The following NRXN3 variants were observed in gnomAD, a reference collection of about 807,000 sequenced individuals.
NRXN3 encodes the protein neurexin 3.
Under a neutral mutation model 137.6 loss-of-function variants are expected in NRXN3, and 32 were observed. The observed-to-expected ratio is 0.23, with a 90% confidence interval of 0.18 to 0.31. NRXN3 has a LOEUF of 0.31. Among genes scored for constraint, NRXN3 ranks in the 10% least tolerant of loss-of-function variants. The pLI, the probability that NRXN3 is intolerant of heterozygous loss-of-function variation, is 1.00. For missense variants in NRXN3, 1,574 were observed against 2,062.5 expected, an observed-to-expected ratio of 0.76 and a Z score of 4.59; for synonymous variants, 798 against 784.5, an observed-to-expected ratio of 1.02 and a Z score of -0.29.
intron 15 of NRXN3, among the ~76,000 whole-genome samples, chr14:79,129,047 G>A (rs377746658): frequency 4.6e-4 from 70 of 152,014 alleles, no homozygotes; most frequent in Non-Finnish European, 7.9e-4. Context: ...TTTTTATTGC[G>A]TCTATTTGAT....
intron 15 of NRXN3, among the ~76,000 whole-genome samples, chr14:79,267,085 C>T (rs1235720482): frequency 6.6e-6 from 1 of 152,148 alleles, no homozygotes; most frequent in African/African-American, 2.4e-5. Context: ...CAGTAGTCCA[C>T]ACTGACTATC....
At chr14:79,844,819 T>C (rs1290974805) in intron 20 of NRXN3, among the ~76,000 whole-genome samples, 1 of 152,212 alleles carries the variant, frequency 6.6e-6, no homozygotes, top group African/African-American at 2.4e-5. Context: ...CTAGAGAATC[T>C]GCCTGTTCTT....
At chr14:78,199,298 G>A (rs1257500124) in intron 1 of NRXN3, among the ~76,000 whole-genome samples, 2 of 152,024 alleles carry the variant, frequency 1.3e-5, no homozygotes, top group African/African-American at 2.4e-5. Flanking sequence ...TTTAGAATCT[G>A]AGACACCCCT....
At chr14:78,667,002 A>C (rs1451569178) in intron 6 of NRXN3, among the ~76,000 whole-genome samples, 1 of 152,116 alleles carries the variant, frequency 6.6e-6, no homozygotes. Context: ...TAACTTGTTT[A>C]TTTGGTTCTT....
chr14:78,876,979 T>C (rs957109554), intron 10 of NRXN3, among the ~76,000 whole-genome samples: 1 of 152,198 alleles, frequency 6.6e-6, no homozygotes, highest in African/African-American at 2.4e-5. Context: ...CTACTATTTG[T>C]GGATATTTCT....
At chr14:79,477,320 T>C (rs1034437064) in intron 16 of NRXN3, among the ~76,000 whole-genome samples, 1 of 152,078 alleles carries the variant, frequency 6.6e-6, no homozygotes, top group Non-Finnish European at 1.5e-5. Flanking sequence ...AAAGAACATA[T>C]GATTTAGGGG....
At chr14:79,189,220 AGTTCAC>A (rs1327820891) in intron 15 of NRXN3, among the ~76,000 whole-genome samples, 1 of 152,090 alleles carries the variant, frequency 6.6e-6, no homozygotes, top group Non-Finnish European at 1.5e-5. Flanking sequence ...AAAAATGATG[AGTTCAC>A]GTCCTTTGTA....
chr14:79,662,569 C>A (rs1567813334), intron 16 of NRXN3, among the ~76,000 whole-genome samples: 1 of 152,036 alleles, frequency 6.6e-6, no homozygotes, highest in African/African-American at 2.4e-5. Context: ...ATTAGTCCAT[C>A]CTCACATTGC....
intron 19 of NRXN3, among the ~76,000 whole-genome samples, chr14:79,703,999 A>G (rs971432114): frequency 1.3e-5 from 2 of 152,054 alleles, no homozygotes; most frequent in African/African-American, 4.8e-5. Context: ...ATACTCATAC[A>G]AACTCACAAG....
intron 1 of NRXN3, among the ~76,000 whole-genome samples, chr14:78,194,857 C>T (rs1057204177): frequency 5.9e-5 from 9 of 152,186 alleles, no homozygotes; most frequent in African/African-American, 1.9e-4. Flanking sequence ...CCCCGGCTGG[C>T]GCTGACCCCC....
At chr14:78,223,779 A>C (rs1023278507) in intron 1 of NRXN3, among the ~76,000 whole-genome samples, 2 of 152,190 alleles carry the variant, frequency 1.3e-5, no homozygotes, top group Non-Finnish European at 2.9e-5. Flanking sequence ...CTGACCTGGG[A>C]CAGGATCAGG....
intron 15 of NRXN3, among the ~76,000 whole-genome samples, chr14:79,093,897 T>C (rs115063484): frequency 0.92 from 139,387 of 151,598 alleles, 64,952 homozygotes; most frequent in Non-Finnish European, 0.99. Context: ...TCTGATTGAT[T>C]TTTTTTTTCT....
At chr14:79,316,663 A>T (rs1216506655) in intron 15 of NRXN3, among the ~76,000 whole-genome samples, 1 of 150,600 alleles carries the variant, frequency 6.6e-6, no homozygotes, top group Non-Finnish European at 1.5e-5. Flanking sequence ...TACCATGCAG[A>T]CTCCACTCCT....
chr14:79,062,252 C>G (rs2099675138), intron 15 of NRXN3, among the ~76,000 whole-genome samples: 1 of 152,126 alleles, frequency 6.6e-6, no homozygotes, highest in African/African-American at 2.4e-5. Context: ...GCTGAACTCT[C>G]TTGCCAATTT....
intron 15 of NRXN3, among the ~76,000 whole-genome samples, chr14:79,305,155 A>T (rs1311045108): frequency 6.6e-6 from 1 of 152,078 alleles, no homozygotes. Context: ...CTACCCATTT[A>T]TGTAGTCTGT....
chr14:78,406,359 C>T (rs1022461941), intron 4 of NRXN3, among the ~76,000 whole-genome samples: 3 of 152,292 alleles, frequency 2.0e-5, no homozygotes, highest in Admixed American at 2.0e-4. Context: ...CCCCCGGAAG[C>T]TGAAGGATGA....
chr14:78,697,292 A>C (rs2098236581), intron 6 of NRXN3, among the ~76,000 whole-genome samples: 1 of 151,708 alleles, frequency 6.6e-6, no homozygotes, highest in South Asian at 2.1e-4. Context: ...TTTCTCTATT[A>C]TTTCTACCTC....
chr14:78,811,368 GAA>G (rs2098911967), intron 10 of NRXN3, among the ~76,000 whole-genome samples: 1 of 152,222 alleles, frequency 6.6e-6, no homozygotes, highest in Admixed American at 6.5e-5. Flanking sequence ...TATCCGTAGG[GAA>G]GAGAGAGAGA....
chr14:78,488,342 C>A (rs188046235), intron 4 of NRXN3, among the ~76,000 whole-genome samples: 3 of 152,230 alleles, frequency 2.0e-5, no homozygotes, highest in Admixed American at 6.5e-5. Context: ...ACTCATAACA[C>A]AAGATGAGGA....
Sources: allele counts gnomAD v4.1 joint callset (sites outside exome capture counted in the v4.1 genomes callset), GRCh38; gene constraint gnomAD v4.1.1; transcripts MANE v1.5; gene names NCBI Gene and HGNC (gene_info 2026-07-23, HGNC 2026-07-21).